Variants in SEZ6L observed in about 807,000 individuals in gnomAD.
SEZ6L encodes seizure related 6 homolog like.
A neutral mutation model predicts 106.2 loss-of-function variants in SEZ6L; 37 were observed. The observed-to-expected ratio is 0.35, with a 90% CI of 0.27 to 0.46. SEZ6L has a LOEUF of 0.46. Ranked by LOEUF, SEZ6L falls within the 20% of genes least tolerant of loss-of-function variation. The probability of loss-of-function intolerance (pLI) is 1.00; values close to 1 mark genes in which losing one functional copy is unlikely to be tolerated. For missense variants in SEZ6L, 1,172 were observed against 1,332.8 expected (o/e 0.88, Z 1.88); for synonymous variants, 541 against 570.4 (o/e 0.95, Z 0.73).
intron 5 of SEZ6L, among the ~76,000 whole-genome samples, chr22:26,301,474 G>A (rs906690236): frequency 6.6e-6 from 1 of 152,174 alleles, no homozygotes; most frequent in Non-Finnish European, 1.5e-5. Flanking sequence ...GAGTAAACAA[G>A]GATGCAAACA....
intron 9 of SEZ6L, among the ~76,000 whole-genome samples, chr22:26,330,487 G>A (rs570239559): frequency 6.6e-6 from 1 of 152,294 alleles, no homozygotes; most frequent in South Asian, 2.1e-4. Flanking sequence ...GTGTTTTCTA[G>A]CAGAGAAGAG....
intron 1 of SEZ6L, among the ~76,000 whole-genome samples, chr22:26,257,481 C>T (rs1268223909): frequency 6.6e-6 from 1 of 152,150 alleles, no homozygotes. Context: ...TGAAAACTTG[C>T]TAAGTGCAAG....
chr22:26,290,940 T>C (rs1601398507), intron 1 of SEZ6L, among the ~76,000 whole-genome samples: 1 of 152,354 alleles, frequency 6.6e-6, no homozygotes. Flanking sequence ...ATTCCTTCAG[T>C]TTAAAATGTA....
chr22:26,347,031 G>GA (rs768017064), intron 10 of SEZ6L, among the ~76,000 whole-genome samples: 2,520 of 136,632 alleles, frequency 0.018, 32 homozygotes, highest in African/African-American at 0.036. Flanking sequence ...CATCTCTACA[G>GA]AAAAAAAAAA....
intron 1 of SEZ6L, among the ~76,000 whole-genome samples, chr22:26,264,660 A>G (rs934369582): frequency 2.6e-5 from 4 of 152,228 alleles, no homozygotes; most frequent in Non-Finnish European, 5.9e-5. Flanking sequence ...TCTCTGGGGC[A>G]TCTATTCAAC....
intron 1 of SEZ6L, among the ~76,000 whole-genome samples, chr22:26,236,578 A>G (rs1388598146): frequency 1.4e-5 from 2 of 144,580 alleles, no homozygotes; most frequent in African/African-American, 5.0e-5. Flanking sequence ...AGCATCCTTC[A>G]AAAAGTTGGT....
intron 1 of SEZ6L, among the ~76,000 whole-genome samples, chr22:26,259,865 TA>T (rs1255858312): frequency 2.6e-4 from 39 of 152,296 alleles, no homozygotes; most frequent in African/African-American, 9.1e-4. Context: ...TATGTGCTAT[TA>T]AAGAAAAAAA....
intron 6 of SEZ6L, among the ~76,000 whole-genome samples, chr22:26,308,284 A>C (rs1267229199): frequency 6.6e-6 from 1 of 150,562 alleles, no homozygotes; most frequent in African/African-American, 2.5e-5. Context: ...AAGCATGGAG[A>C]ATTGGAGGAT....
chr22:26,347,376 A>C (rs1035443053), intron 10 of SEZ6L, among the ~76,000 whole-genome samples: 1 of 152,164 alleles, frequency 6.6e-6, no homozygotes, highest in African/African-American at 2.4e-5. Context: ...CGTTGTAATT[A>C]TTCCCTCATG....
In SEZ6L at chr22:26,380,558, G is replaced by T. The variant is rs975930633; in HGVS notation, c.*263G>T. ...AGGCAGGTGGAAGACTTGCAAAATG[G>T]CAAACCGCGGCAGCAAAAACACAAA... On this transcript the variant is annotated 3_prime_UTR_variant, in exon 17 of 17. Transcript: ENST00000248933. 1.8e-5 allele frequency: 7 copies of T among 391,240 alleles called. No homozygotes were observed. The highest frequency in any genetic ancestry group is 1.2e-4 in the African/African-American group (6 of 49,734). The allele number at this position is 391,240 out of a possible 1,614,324, so 24.2% of individuals were successfully genotyped here.
intron 1 of SEZ6L, among the ~76,000 whole-genome samples, chr22:26,260,389 T>C (rs761480775): frequency 6.6e-6 from 1 of 152,200 alleles, no homozygotes; most frequent in Non-Finnish European, 1.5e-5. Flanking sequence ...CATAGGATGT[T>C]TTGTTTTCCA....
chr22:26,217,086 C>G (rs766299753), intron 1 of SEZ6L, among the ~76,000 whole-genome samples: 2 of 152,174 alleles, frequency 1.3e-5, no homozygotes, highest in Non-Finnish European at 2.9e-5. Context: ...ATGATGATAA[C>G]AGTAACTCAC....
intron 1 of SEZ6L, among the ~76,000 whole-genome samples, chr22:26,194,539 C>A (rs911462564): frequency 6.6e-6 from 1 of 152,156 alleles, no homozygotes; most frequent in African/African-American, 2.4e-5. Context: ...AACTTTAATC[C>A]TGGCCGAGCT....
At chr22:26,291,784 C>T (rs990773478) in intron 1 of SEZ6L, among the ~76,000 whole-genome samples, 5 of 152,154 alleles carry the variant, frequency 3.3e-5, no homozygotes, top group Admixed American at 1.3e-4. Context: ...GGTTAGGGCC[C>T]GTCCTCTCTG....
chr22:26,188,841 A>T (rs1335915201), intron 1 of SEZ6L, among the ~76,000 whole-genome samples: 1 of 152,224 alleles, frequency 6.6e-6, no homozygotes. Flanking sequence ...GGCCAGCATC[A>T]GTATTCTTTT....
intron 14 of SEZ6L, among the ~76,000 whole-genome samples, chr22:26,375,330 G>T (rs2084183465): frequency 6.6e-6 from 1 of 152,140 alleles, no homozygotes; most frequent in African/African-American, 2.4e-5. Flanking sequence ...GTACGATCAG[G>T]TTTCAAACAG....
At chr22:26,226,716 C>T (rs1245009631) in intron 1 of SEZ6L, among the ~76,000 whole-genome samples, 3 of 152,172 alleles carry the variant, frequency 2.0e-5, no homozygotes, top group Non-Finnish European at 4.4e-5. Context: ...TTCCAGCCTT[C>T]CTTGCACCCA....
At chr22:26,247,184 A>G (rs538956448) in intron 1 of SEZ6L, among the ~76,000 whole-genome samples, 1 of 152,330 alleles carries the variant, frequency 6.6e-6, no homozygotes, top group South Asian at 2.1e-4. Context: ...GGGCATTTGT[A>G]GGGCAGGTAG....
rs143330080 is a variant in SEZ6L at position 26,301,747 on chromosome 22, G to A, written c.1348+2578G>A. Among the ~76,000 whole-genome samples, 39 of 152,072 alleles carry A rather than the reference G, an allele frequency of 2.6e-4. No individual in the cohort carries two copies. In the East Asian group the frequency reaches 7.4e-3, roughly 29 times the overall value. On this transcript the variant is annotated intron_variant, in intron 5 of 16. Transcript: ENST00000248933. ...GGTGGAAAATGGGGGGGAGAAGGGG[G>A]AAACATTCCAGGCAGATGCACTAGC...
Sources: allele counts gnomAD v4.1 joint callset (sites outside exome capture counted in the v4.1 genomes callset), GRCh38; gene constraint gnomAD v4.1.1; transcripts MANE v1.5; gene names NCBI Gene and HGNC (gene_info 2026-07-23, HGNC 2026-07-21).